GNA14: variants seen among roughly 807,000 people sequenced by gnomAD.
The protein encoded by GNA14 is G protein subunit alpha 14.
Under a neutral mutation model 42.0 loss-of-function variants are expected in GNA14, and 50 were observed. That is an observed-to-expected ratio of 1.19 (90% CI 0.95 to 1.51). GNA14 has a LOEUF of 1.51. Among genes scored for constraint, GNA14 ranks in the 40% most tolerant of loss-of-function variants. The pLI, the probability that GNA14 is intolerant of heterozygous loss-of-function variation, is 0.00. For synonymous variants in GNA14, 173 were observed against 163.1 expected (o/e 1.06, Z -0.46); for missense variants, 473 against 446.2 (o/e 1.06, Z -0.54).
chr9:77,479,796 T>G (rs1292459078), intron 2 of GNA14, among the ~76,000 whole-genome samples: 2 of 152,170 alleles, frequency 1.3e-5, no homozygotes, highest in African/African-American at 2.4e-5. Context: ...CTAGGTATTT[T>G]ATTCTCTTTG....
chr9:77,557,298 T>G (rs754423592), intron 1 of GNA14, among the ~76,000 whole-genome samples: 6 of 152,204 alleles, frequency 3.9e-5, no homozygotes, highest in Non-Finnish European at 7.3e-5. Context: ...GCTGACTCCG[T>G]GAGGCTATGG....
chr9:77,507,591 TA>T (rs1268996892), intron 2 of GNA14, among the ~76,000 whole-genome samples: 1 of 152,210 alleles, frequency 6.6e-6, no homozygotes, highest in East Asian at 1.9e-4. Flanking sequence ...TCATTGAGTC[TA>T]ACCTTGTATG....
chr9:77,475,194 G>A (rs1836397398), intron 2 of GNA14, among the ~76,000 whole-genome samples: 1 of 152,078 alleles, frequency 6.6e-6, no homozygotes, highest in African/African-American at 2.4e-5. Context: ...GCCACAATGA[G>A]AACAGGTCTG....
At chr9:77,526,628 T>C (rs1189994388) in intron 2 of GNA14, 1 of 152,194 alleles carries the variant, frequency 6.6e-6, no homozygotes, top group Non-Finnish European at 1.5e-5. Flanking sequence ...ACGGCAAGGA[T>C]TTCCAGCCAC....
intron 2 of GNA14, among the ~76,000 whole-genome samples, chr9:77,491,342 G>A (rs1836772042): frequency 6.6e-6 from 1 of 152,172 alleles, no homozygotes; most frequent in Non-Finnish European, 1.5e-5. Context: ...AATTGACTAA[G>A]TTCTCCAATT....
intron 1 of GNA14, among the ~76,000 whole-genome samples, chr9:77,593,647 A>T (rs530504578): frequency 6.6e-6 from 1 of 152,166 alleles, no homozygotes; most frequent in Non-Finnish European, 1.5e-5. Flanking sequence ...TCCTGGGGGC[A>T]GGGCAGCCAG....
chr9:77,614,635 C>T (rs896911484), intron 1 of GNA14, among the ~76,000 whole-genome samples: 4 of 152,160 alleles, frequency 2.6e-5, no homozygotes, highest in African/African-American at 9.7e-5. Context: ...ATCTTCCACA[C>T]AGAGAGAAAA....
chr9:77,453,719 T>C (rs1011878707), intron 2 of GNA14, among the ~76,000 whole-genome samples: 1 of 152,224 alleles, frequency 6.6e-6, no homozygotes, highest in East Asian at 1.9e-4. Context: ...TTTATGGAAC[T>C]GAGCAAACCT....
intron 2 of GNA14, among the ~76,000 whole-genome samples, chr9:77,441,554 G>A (rs923150914): frequency 2.0e-4 from 31 of 152,166 alleles, no homozygotes; most frequent in African/African-American, 7.5e-4. Flanking sequence ...AGTGTCTACT[G>A]TGATGTGCAA....
intron 2 of GNA14, among the ~76,000 whole-genome samples, chr9:77,482,292 T>A (rs1029417935): frequency 6.6e-6 from 1 of 152,206 alleles, no homozygotes; most frequent in Non-Finnish European, 1.5e-5. Flanking sequence ...AGGATTTTAT[T>A]TCTCCTTCAC....
intron 2 of GNA14, among the ~76,000 whole-genome samples, chr9:77,468,525 G>A (rs1836275700): frequency 1.3e-5 from 2 of 152,156 alleles, no homozygotes; most frequent in Non-Finnish European, 2.9e-5. Context: ...GCTATATAGA[G>A]TAGACATTTC....
intron 1 of GNA14, among the ~76,000 whole-genome samples, chr9:77,626,316 A>G (rs1422286222): frequency 6.6e-6 from 1 of 151,924 alleles, no homozygotes; most frequent in Non-Finnish European, 1.5e-5. Context: ...CCCATTGTCA[A>G]TATTAGATCA....
At chr9:77,553,985 C>T (rs1470880843) in intron 1 of GNA14, among the ~76,000 whole-genome samples, 4 of 152,084 alleles carry the variant, frequency 2.6e-5, no homozygotes, top group African/African-American at 9.7e-5. Flanking sequence ...CATGAAATGC[C>T]GTCTACAGTA....
At chr9:77,522,288 G>A (rs974017055) in intron 2 of GNA14, among the ~76,000 whole-genome samples, 5 of 152,310 alleles carry the variant, frequency 3.3e-5, no homozygotes, top group East Asian at 1.9e-4. Context: ...GAGAGAATGC[G>A]CTGCAGCTTC....
chr9:77,475,584 G>A (rs1173397263), intron 2 of GNA14, among the ~76,000 whole-genome samples: 2 of 152,148 alleles, frequency 1.3e-5, no homozygotes, highest in Non-Finnish European at 2.9e-5. Flanking sequence ...CCAGAGGAGG[G>A]TCTGAGAACT....
chr9:77,631,855 G>A lies in GNA14; in HGVS notation c.124+15815C>T, dbSNP rs1824104327. Among the ~76,000 whole-genome samples, 3 of 152,198 alleles carry A rather than the reference G, an allele frequency of 2.0e-5. No individual in the cohort carries two copies. In the South Asian group the frequency reaches 6.2e-4, roughly 31 times the overall value. On this transcript the variant is annotated intron_variant, in intron 1 of 6. Coordinates refer to ENST00000341700, the MANE Select transcript of GNA14 (RefSeq NM_004297.4). Reference sequence around the variant, plus strand: ...ATGCCGGCTGCAGCAGGAAAGCGTGGCTGGGGCTGCATGTTCCATGGAGCT... The same window carrying A: ...ATGCCGGCTGCAGCAGGAAAGCGTGACTGGGGCTGCATGTTCCATGGAGCT...
At chr9:77,573,957 T>C (rs1362345427) in intron 1 of GNA14, among the ~76,000 whole-genome samples, 3 of 152,152 alleles carry the variant, frequency 2.0e-5, no homozygotes, top group African/African-American at 7.2e-5. Context: ...TATGTATCTC[T>C]ATACACCCCA....
At chr9:77,487,762 T>C (rs932443653) in intron 2 of GNA14, among the ~76,000 whole-genome samples, 5 of 152,312 alleles carry the variant, frequency 3.3e-5, no homozygotes, top group East Asian at 3.9e-4. Context: ...ATTTATGAAT[T>C]ACAGATTTTG....
rs1837561628 is a variant in GNA14, at chr9:77,533,883, G to A, written c.125-4630C>T. ...AGCTTCCTGTTTACTGTGAGTGACA[G>A]CTGTGAGCCTTTGACCTTGCAGGTT... On this transcript the variant is annotated intron_variant, in intron 1 of 6. Coordinates refer to ENST00000341700, the MANE Select transcript of GNA14 (RefSeq NM_004297.4). Among the ~76,000 whole-genome samples the A allele has an allele frequency of 2.6e-5, 4 of 152,326 alleles. No homozygotes were observed. In the South Asian group the frequency reaches 8.3e-4, roughly 32 times the overall value.
Sources: gnomAD v4.1 joint callset for allele counts (sites outside exome capture counted in the v4.1 genomes callset) on GRCh38, gnomAD v4.1.1 for gene constraint, MANE v1.5 for transcripts, NCBI Gene and HGNC (gene_info 2026-07-23, HGNC 2026-07-21) for gene names.